Variants in CDH18 observed in about 807,000 individuals in gnomAD.
CDH18 encodes the protein cadherin 18.
CDH18 carries 31 observed loss-of-function variants against 67.9 expected under a neutral mutation model. The ratio of observed to expected loss-of-function variants is 0.46; its 90% confidence interval spans 0.34 to 0.62. The LOEUF is 0.62. Ranked by LOEUF, CDH18 falls within the 20% of genes least tolerant of loss-of-function variation. The pLI is 0.01. For missense variants in CDH18, 890 were observed against 975.5 expected (o/e 0.91, Z 1.17); for synonymous variants, 362 against 347.2 (o/e 1.04, Z -0.48).
chr5:20,469,346 A>G (rs1328297432), intron 1 of CDH18, among the ~76,000 whole-genome samples: 1 of 120,070 alleles, frequency 8.3e-6, no homozygotes, highest in African/African-American at 2.7e-5. Context: ...TTAAAAAACT[A>G]GAGCAGAAAG....
chr5:19,967,095 GA>G (rs1797520053), intron 2 of CDH18, among the ~76,000 whole-genome samples: 1 of 151,148 alleles, frequency 6.6e-6, no homozygotes, highest in African/African-American at 2.4e-5. Context: ...AGGTTTAAAA[GA>G]AAAAAATGTA....
At chr5:19,840,155 C>T (rs1337824504) in intron 2 of CDH18, among the ~76,000 whole-genome samples, 2 of 150,550 alleles carry the variant, frequency 1.3e-5, no homozygotes, top group Non-Finnish European at 3.0e-5. Context: ...GTAGTCCCAG[C>T]TACTCAGGAG....
Position 19,473,034 on chromosome 5 carries a change from T to C in CDH18, c.*192A>G. On this transcript the variant is annotated 3_prime_UTR_variant, in exon 13 of 13. Coordinates refer to ENST00000382275, the MANE Select transcript of CDH18 (RefSeq NM_004934.5). ...ATAACTTTTTCTTTGTATTGTCTTT[T>C]TTTTTTTTTTTTTACTTTCTTCCAA... is the stretch of plus-strand genomic sequence containing the variant. The C allele has an allele frequency of 4.2e-6, 2 of 476,468 alleles. No homozygotes were observed. The highest frequency in any genetic ancestry group is 7.2e-6 in the Non-Finnish European group (2 of 277,990). The allele number at this position is 476,468 out of a possible 1,614,324, so 29.5% of individuals were successfully genotyped here.
rs112830178 is a variant in CDH18, at chr5:19,720,471, T to C, written c.643+876A>G. Among the ~76,000 whole-genome samples the C allele has an allele frequency of 4.1e-3, 626 of 152,264 alleles. 1 individual carries two copies. Among genetic ancestry groups the C allele is most frequent in the South Asian group, 6.0e-3 (29 of 4,824 alleles). On this transcript the variant is annotated intron_variant, in intron 5 of 12. Transcript: ENST00000382275. ...AATTTTAGAAAAACTTGAGATTTGTTACTGAACACTTGTCTAAATTAAAAA... is the reference window on the plus strand; with the variant it reads ...AATTTTAGAAAAACTTGAGATTTGTCACTGAACACTTGTCTAAATTAAAAA...
intron 7 of CDH18, among the ~76,000 whole-genome samples, chr5:19,579,914 T>A (rs2149978708): frequency 6.6e-6 from 1 of 151,470 alleles, no homozygotes; most frequent in Admixed American, 6.6e-5. Flanking sequence ...CCCAAAGAAA[T>A]ATAATTATTT....
chr5:19,763,994 C>CAAAAAAAACA (rs1772720553), intron 3 of CDH18, among the ~76,000 whole-genome samples: 1 of 65,302 alleles, frequency 1.5e-5, no homozygotes, highest in Non-Finnish European at 2.6e-5. Flanking sequence ...ACTAAAAATA[C>CAAAAAAAACA]AAAAAAAAAA....
chr5:20,415,865 T>TTG (rs1747263405), intron 1 of CDH18, among the ~76,000 whole-genome samples: 1 of 152,142 alleles, frequency 6.6e-6, no homozygotes, highest in Non-Finnish European at 1.5e-5. Context: ...GAGAACATTA[T>TTG]GCTTATTGAA....
At chr5:20,561,605 G>A (rs555044552) in intron 1 of CDH18, among the ~76,000 whole-genome samples, 11 of 152,078 alleles carry the variant, frequency 7.2e-5, no homozygotes, top group South Asian at 2.1e-4. Flanking sequence ...AAGGAGAAAC[G>A]AATAGGTCAA....
intron 9 of CDH18, among the ~76,000 whole-genome samples, chr5:19,524,480 G>A (rs1439240745): frequency 6.6e-6 from 1 of 151,490 alleles, no homozygotes; most frequent in Non-Finnish European, 1.5e-5. Context: ...TAGTCAAAAT[G>A]CTTATTTTAT....
chr5:20,141,418 A>G (rs1750230943), intron 2 of CDH18, among the ~76,000 whole-genome samples: 1 of 152,164 alleles, frequency 6.6e-6, no homozygotes, highest in African/African-American at 2.4e-5. Context: ...TTAGATATGA[A>G]CTGCTGTATG....
At chr5:20,464,769 T>A (rs1336373739) in intron 1 of CDH18, among the ~76,000 whole-genome samples, 2 of 151,984 alleles carry the variant, frequency 1.3e-5, no homozygotes, top group African/African-American at 4.8e-5. Flanking sequence ...GAGATACAAT[T>A]GAGATGGCAA....
chr5:19,925,930 T>A (rs897259327), intron 2 of CDH18, among the ~76,000 whole-genome samples: 1 of 152,228 alleles, frequency 6.6e-6, no homozygotes, highest in Non-Finnish European at 1.5e-5. Context: ...ATGGTCTATG[T>A]GTGCATAAGT....
At chr5:20,349,367 T>C (rs113664629) in intron 1 of CDH18, among the ~76,000 whole-genome samples, 3,281 of 152,276 alleles carry the variant, frequency 0.022, 85 homozygotes, top group African/African-American at 0.056. Context: ...CCGTTAAAAA[T>C]GCAGAATTCA....
At chr5:20,311,149 G>A (rs1367884764) in intron 1 of CDH18, among the ~76,000 whole-genome samples, 4 of 152,098 alleles carry the variant, frequency 2.6e-5, no homozygotes, top group African/African-American at 9.7e-5. Flanking sequence ...GGAAACAACA[G>A]ATGCTGGAGA....
chr5:19,725,855 G>C (rs1259249740), intron 4 of CDH18, among the ~76,000 whole-genome samples: 1 of 152,186 alleles, frequency 6.6e-6, no homozygotes, highest in Non-Finnish European at 1.5e-5. Flanking sequence ...TGGGATTCGG[G>C]AAAGGGAAAA....
intron 1 of CDH18, among the ~76,000 whole-genome samples, chr5:20,403,298 A>C (rs764676652): frequency 3.3e-5 from 5 of 152,108 alleles, no homozygotes; most frequent in Non-Finnish European, 5.9e-5. Flanking sequence ...CTGTTAGTGT[A>C]GGTTCAGAGT....
chr5:20,341,443 A>C (rs1204574420), intron 1 of CDH18, among the ~76,000 whole-genome samples: 1 of 152,018 alleles, frequency 6.6e-6, no homozygotes, highest in African/African-American at 2.4e-5. Flanking sequence ...CTCAGCTTGC[A>C]GACAGCCTAT....
chr5:19,537,309 G>T (rs1423704589), intron 9 of CDH18, among the ~76,000 whole-genome samples: 1 of 152,038 alleles, frequency 6.6e-6, no homozygotes, highest in Non-Finnish European at 1.5e-5. Context: ...GCAGATTTGG[G>T]ATGTGATAGC....
intron 2 of CDH18, among the ~76,000 whole-genome samples, chr5:19,905,017 T>C (rs1790385623): frequency 6.6e-6 from 1 of 152,138 alleles, no homozygotes. Flanking sequence ...TGAGAGATGT[T>C]TCTCCATACT....
Sources: allele counts gnomAD v4.1 joint callset (sites outside exome capture counted in the v4.1 genomes callset), GRCh38; gene constraint gnomAD v4.1.1; transcripts MANE v1.5; gene names NCBI Gene and HGNC (gene_info 2026-07-23, HGNC 2026-07-21).